The following PDE6C variants were observed in gnomAD, a reference collection of about 807,000 sequenced individuals.
PDE6C encodes cone cGMP-specific 3',5'-cyclic phosphodiesterase subunit alpha'.
Under a neutral mutation model 113.1 loss-of-function variants are expected in PDE6C, and 75 were observed. That is an observed-to-expected ratio of 0.66 (90% CI 0.55 to 0.80). The LOEUF is 0.80. PDE6C is among the 30% of genes least tolerant of loss of function. The pLI, the probability that PDE6C is intolerant of heterozygous loss-of-function variation, is 0.00. For missense variants in PDE6C, 912 were observed against 1,038.6 expected (o/e 0.88, Z 1.67); for synonymous variants, 375 against 363.7 (o/e 1.03, Z -0.35).
rs143989012 is a variant in PDE6C at position 93,649,973 on chromosome 10, C to T, written c.1935+3926C>T. On this transcript the variant is annotated intron_variant, in intron 15 of 21. Transcript: ENST00000371447. Reference sequence around the variant, plus strand: ...TTTTATATACCTGGGAAACCAGCACCACAATCAAGATGCAGAACACTTCTA... The same window carrying T: ...TTTTATATACCTGGGAAACCAGCACTACAATCAAGATGCAGAACACTTCTA... Among the ~76,000 whole-genome samples, 120 of 152,198 alleles carry T rather than the reference C, an allele frequency of 7.9e-4. No homozygotes were observed. The East Asian group carries it at 0.02, about 26-fold the overall frequency.
intron 7 of PDE6C, among the ~76,000 whole-genome samples, chr10:93,627,258 C>CAAAAAAAAAAAAAAAAAAAAAAAAAAAAA (rs57142181): frequency 1.9e-5 from 1 of 52,580 alleles, no homozygotes; most frequent in Non-Finnish European, 3.6e-5. Context: ...TGAAACTCCA[C>CAAAAAAAAAAAAAAAAAAAAAAAAAAAAA]AAAAAAAAAA....
intron 15 of PDE6C, among the ~76,000 whole-genome samples, chr10:93,648,486 T>C (rs1486143466): frequency 6.6e-6 from 1 of 152,202 alleles, no homozygotes; most frequent in Non-Finnish European, 1.5e-5. Context: ...TTTCATTCTC[T>C]AAAGAAAATA....
chr10:93,634,561 G>A (rs1359000244), intron 8 of PDE6C, among the ~76,000 whole-genome samples, 197 bp from the exon 9 acceptor site: 1 of 152,104 alleles, frequency 6.6e-6, no homozygotes, highest in Non-Finnish European at 1.5e-5. Context: ...CTGTTTTCTG[G>A]TTTCGATATT....
At chr10:93,622,483 G>T (rs1414760740) in intron 4 of PDE6C, among the ~76,000 whole-genome samples, 1 of 151,856 alleles carries the variant, frequency 6.6e-6, no homozygotes, top group African/African-American at 2.4e-5. Context: ...TTACATGAGG[G>T]TTCATCCTTT....
intron 8 of PDE6C, among the ~76,000 whole-genome samples, chr10:93,631,162 C>T (rs1409333): frequency 0.36 from 54,933 of 152,100 alleles, 10,108 homozygotes; most frequent in East Asian, 0.46. Context: ...GGGGCCTCCC[C>T]GGGGCCTTGG....
intron 11 of PDE6C, among the ~76,000 whole-genome samples, chr10:93,637,434 C>T (rs2058538731): frequency 6.6e-6 from 1 of 152,136 alleles, no homozygotes; most frequent in African/African-American, 2.4e-5. Context: ...TCTTTCTAGG[C>T]ACTGGCACCG....
rs986625910 is a variant in PDE6C at position 93,665,532 on chromosome 10, C to T, written c.*114C>T. 6 of 761,122 alleles carry T rather than the reference C, an allele frequency of 7.9e-6. No homozygotes were observed. The African/African-American group carries it at 1.0e-4, about 13-fold the overall frequency. 47.1% of individuals were successfully genotyped at this position (761,122 alleles called of 1,614,324 possible). A position where few individuals can be genotyped will look rare whatever the true frequency, so the allele number is the denominator to read the frequency against. On this transcript the variant is annotated 3_prime_UTR_variant, in exon 22 of 22. Coordinates refer to ENST00000371447, the MANE Select transcript of PDE6C (RefSeq NM_006204.4). ...TAACAGGATCTTCAGAAAAACTACCCTGTGACTATGAAGAAAATATATATT... is the reference window on the plus strand; with the variant it reads ...TAACAGGATCTTCAGAAAAACTACCTTGTGACTATGAAGAAAATATATATT...
chr10:93,628,737 G>C (rs1350763529), intron 7 of PDE6C, among the ~76,000 whole-genome samples: 1 of 152,162 alleles, frequency 6.6e-6, no homozygotes, highest in African/African-American at 2.4e-5. Context: ...TGTCCTTATA[G>C]ATGTGAGCAA....
intron 1 of PDE6C, among the ~76,000 whole-genome samples, chr10:93,615,791 A>C (rs1453481551): frequency 6.6e-6 from 1 of 152,214 alleles, no homozygotes; most frequent in Non-Finnish European, 1.5e-5. Flanking sequence ...AGTGAATTTC[A>C]AATCAGCTGT....
intron 16 of PDE6C, among the ~76,000 whole-genome samples, chr10:93,658,281 A>G (rs977059457): frequency 6.6e-6 from 1 of 151,624 alleles, no homozygotes; most frequent in African/African-American, 2.4e-5. Flanking sequence ...TTGAAATTTT[A>G]TTTTGCTAAT....
Position 93,634,745 on chromosome 10 carries a change from T to A in PDE6C, c.1120-13T>A. 1 of 1,614,028 alleles carries A rather than the reference T, an allele frequency of 6.2e-7. No homozygotes were observed. The highest frequency in any genetic ancestry group is 1.7e-5 in the Admixed American group (1 of 60,024). ...AGGCAAAAAAATAACTTGAGGTCCC[T>A]TCTCGTTTGTAGAAAGGACCTGTAG... On this transcript the variant is annotated splice_polypyrimidine_tract_variant and intron_variant, in intron 8 of 21. Transcript: ENST00000371447.
chr10:93,621,087 G>A lies in PDE6C; in HGVS notation c.723+107G>A, dbSNP rs117547014. 2.3e-3 allele frequency: 2,048 copies of A among 877,104 alleles called. 4 individuals are homozygous for A. Among genetic ancestry groups the A allele is most frequent in the Non-Finnish European group, 3.1e-3 (1,613 of 518,606 alleles). The allele number at this position is 877,104 out of a possible 1,614,324, so 54.3% of individuals were successfully genotyped here. ...TATTCCTCCTGGGGGTGTAAGCCAC[G>A]TGGAACAGATCCCCAAACTTCAGTC... On this transcript the variant is annotated intron_variant, in intron 3 of 21. Coordinates refer to ENST00000371447, the MANE Select transcript of PDE6C (RefSeq NM_006204.4).
intron 1 of PDE6C, among the ~76,000 whole-genome samples, chr10:93,618,254 T>C (rs1027855875): frequency 1.3e-5 from 2 of 152,164 alleles, no homozygotes; most frequent in Non-Finnish European, 2.9e-5. Context: ...TTTCTCTTCC[T>C]AGTACTTACT....
intron 18 of PDE6C, among the ~76,000 whole-genome samples, chr10:93,660,808 G>A (rs1340734236): frequency 1.3e-5 from 2 of 151,812 alleles, no homozygotes; most frequent in African/African-American, 4.8e-5. Flanking sequence ...TATCAGCCTC[G>A]CTAGTACCTC....
At chr10:93,641,497 C>T (rs2058559891) in intron 14 of PDE6C, among the ~76,000 whole-genome samples, 1 of 151,972 alleles carries the variant, frequency 6.6e-6, no homozygotes, top group Admixed American at 6.5e-5. Context: ...GGATGTGGCA[C>T]ACCTGGGATT....
At chr10:93,659,188 T>G in intron 18 of PDE6C, 21 bp downstream of exon 18, 1 of 1,552,728 alleles carries the variant, frequency 6.4e-7, no homozygotes, top group South Asian at 1.1e-5. Flanking sequence ...TTAAGTTTTC[T>G]TTTCTGTCAC....
intron 15 of PDE6C, among the ~76,000 whole-genome samples, chr10:93,650,511 G>A (rs1457841696): frequency 2.0e-5 from 3 of 152,210 alleles, no homozygotes; most frequent in Non-Finnish European, 4.4e-5. Flanking sequence ...GCTTTCCAAA[G>A]CACTGGGATT....
At chr10:93,654,423 C>T (rs2058622950) in intron 15 of PDE6C, among the ~76,000 whole-genome samples, 1 of 152,204 alleles carries the variant, frequency 6.6e-6, no homozygotes, top group African/African-American at 2.4e-5. Flanking sequence ...GGGCAAGTTA[C>T]TTCACCTCTC....
chr10:93,665,258 T>TA, intron 21 of PDE6C, 102 bp from the exon 22 acceptor site: 1 of 893,664 alleles, frequency 1.1e-6, no homozygotes, highest in Middle Eastern at 2.5e-4. Flanking sequence ...TTAAAATGAC[T>TA]AATTAGTCTA....
Sources: allele counts gnomAD v4.1 joint callset (sites outside exome capture counted in the v4.1 genomes callset), GRCh38; gene constraint gnomAD v4.1.1; transcripts MANE v1.5; gene names NCBI Gene and HGNC (gene_info 2026-07-23, HGNC 2026-07-21).